B4GALNT3: variants seen among roughly 807,000 people sequenced by gnomAD.
B4GALNT3 encodes beta-1,4-N-acetyl-galactosaminyltransferase 3.
B4GALNT3 carries 86 observed loss-of-function variants against 120.2 expected under a neutral mutation model. The ratio of observed to expected loss-of-function variants is 0.72; its 90% CI spans 0.60 to 0.86. B4GALNT3 has a LOEUF of 0.86. Ranked by LOEUF, B4GALNT3 falls within the 40% of genes least tolerant of loss-of-function variation. The pLI is 0.00. For synonymous variants in B4GALNT3, 518 were observed against 510.4 expected (o/e 1.01, Z -0.20); for missense variants, 1,167 against 1,298.9 (o/e 0.90, Z 1.56).
chr12:561,384 G>A lies in B4GALNT3; in HGVS notation c.2930G>A (p.Arg977Lys). 1 of 1,614,062 alleles carries A rather than the reference G, an allele frequency of 6.2e-7. No homozygotes were observed. Among genetic ancestry groups the A allele is most frequent in the Non-Finnish European group, 8.5e-7 (1 of 1,180,008 alleles). The change falls in exon 20 of 20, where the codon AGG (arginine) becomes AAG (lysine). Residue 977 changes from arginine to lysine, a missense_variant. By Grantham distance (26) the Arg-to-Lys change is conservative (BLOSUM62 2). Around this residue, in one of 3 missense-constraint regions of B4GALNT3, gnomAD observed 983 missense variants for 1,102.5 expected, o/e 0.89. Coordinates refer to ENST00000266383, the MANE Select transcript of B4GALNT3 (RefSeq NM_173593.4). Reference sequence around the variant, plus strand: ...CTGGACGTGGAGCGTCTCTCCCTCAGGAATTTCTTCCATCATTTCCATTCC... The same window carrying A: ...CTGGACGTGGAGCGTCTCTCCCTCAAGAATTTCTTCCATCATTTCCATTCC... ...AGLDVERLSL[R>K]NFFHHFHSKR...
chr12:525,764 G>A (rs777634742), intron 1 of B4GALNT3, among the ~76,000 whole-genome samples: 62 of 152,184 alleles, frequency 4.1e-4, no homozygotes, highest in Non-Finnish European at 7.5e-4. Flanking sequence ...GCCCTAAACC[G>A]TTCAGAGCAT....
At chr12:549,214 C>T (rs1445149040) in intron 9 of B4GALNT3, among the ~76,000 whole-genome samples, 1 of 152,176 alleles carries the variant, frequency 6.6e-6, no homozygotes, top group African/African-American at 2.4e-5. Context: ...CCCCCCTTCT[C>T]TGTGGCTGCT....
rs552471546 is a variant in B4GALNT3 at position 477,622 on chromosome 12, A to C, written c.169+17077A>C. 3.9e-5 allele frequency among the ~76,000 whole-genome samples: 6 copies of C among 152,374 alleles called. No homozygotes were observed. The South Asian group carries it at 1.0e-3, about 26-fold the overall frequency. On this transcript the variant is annotated intron_variant, in intron 1 of 19. Coordinates refer to ENST00000266383, the MANE Select transcript of B4GALNT3 (RefSeq NM_173593.4). ...TCTTAAATAAAAGGCAAATGGAGTC[A>C]TGATTTCCTCTCTCACTTTCTTGAA...
chr12:558,476 G>T, intron 17 of B4GALNT3, 32 bp from the exon 18 acceptor site: 1 of 1,606,948 alleles, frequency 6.2e-7, no homozygotes, highest in Non-Finnish European at 8.5e-7. Flanking sequence ...TGGTCTGCAG[G>T]GTCTGCTGAC....
At position 550,974 on chromosome 12, in the gene B4GALNT3, C is replaced by G; in HGVS notation, c.1050C>G (p.Tyr350Ter). ...GCCACGTCCTGCCTGACTGTCCCTACAAACCCAGCTATCTGGTGGATGGGC... is the reference window on the plus strand; with the variant it reads ...GCCACGTCCTGCCTGACTGTCCCTAGAAACCCAGCTATCTGGTGGATGGGC... The part of the protein sequence containing the change: ...HLRHVLPDCP[Y>*]KPSYLVDGLP... The change falls in exon 11 of 20, where the codon TAC becomes TAG. Residue 350 changes from tyrosine to a stop codon, truncating the protein, a stop_gained. Transcript: ENST00000266383. LOFTEE classifies it high-confidence loss of function. This position sits in a 1 kb window ranked among gnomAD's most constrained non-coding sequence, Gnocchi z 4.1. 6.2e-7 allele frequency: 1 copy of G among 1,614,200 alleles called. No individual in the cohort carries two copies.
chr12:542,756 C>T (rs940704565), intron 3 of B4GALNT3, among the ~76,000 whole-genome samples: 14 of 152,374 alleles, frequency 9.2e-5, no homozygotes, highest in Non-Finnish European at 1.8e-4. Context: ...TCCAACCCAA[C>T]TGGCACTGCC....
intron 14 of B4GALNT3, among the ~76,000 whole-genome samples, chr12:556,336 C>A (rs1345426032): frequency 2.0e-5 from 3 of 152,160 alleles, no homozygotes; most frequent in Admixed American, 6.5e-5. Context: ...CCTTCAGGAT[C>A]ATCACAGCTC....
intron 3 of B4GALNT3, chr12:540,563 T>C (rs906730078): frequency 6.6e-6 from 1 of 152,136 alleles, no homozygotes; most frequent in African/African-American, 2.4e-5. Context: ...TGTAAAAGCA[T>C]GGAGAAGGGA....
At chr12:508,772 C>A (rs573588934) in intron 1 of B4GALNT3, among the ~76,000 whole-genome samples, 1 of 152,164 alleles carries the variant, frequency 6.6e-6, no homozygotes, top group African/African-American at 2.4e-5. Flanking sequence ...GAGGACTGAC[C>A]CTCCCAGACT....
chr12:505,687 G>A (rs1946490609), intron 1 of B4GALNT3, among the ~76,000 whole-genome samples: 1 of 152,182 alleles, frequency 6.6e-6, no homozygotes, highest in South Asian at 2.1e-4. Context: ...ATTGTCATGG[G>A]GGAGAGTGTC....
At chr12:484,406 C>T (rs1462887867) in intron 1 of B4GALNT3, among the ~76,000 whole-genome samples, 2 of 152,180 alleles carry the variant, frequency 1.3e-5, no homozygotes, top group South Asian at 2.1e-4. Context: ...AAGGCTGAGG[C>T]TTTGAAATCC....
At chr12:526,529 C>A (rs778333860) in intron 1 of B4GALNT3, among the ~76,000 whole-genome samples, 1 of 152,180 alleles carries the variant, frequency 6.6e-6, no homozygotes, top group African/African-American at 2.4e-5. Flanking sequence ...TTAGAGGTCC[C>A]GGAGCCTATT....
In B4GALNT3 at chr12:495,900, A is replaced by T. The variant is rs192945611; in HGVS notation, c.169+35355A>T. 2.6e-3 allele frequency among the ~76,000 whole-genome samples: 395 copies of T among 152,324 alleles called. 3 individuals are homozygous for T. The highest frequency in any genetic ancestry group is 3.2e-3 in the Non-Finnish European group (220 of 68,030). Reference sequence around the variant, plus strand: ...GAAGATCAATGTTCATGAATGATATACATTTGAAAAGTTTACATGTATTAA... The same window carrying T: ...GAAGATCAATGTTCATGAATGATATTCATTTGAAAAGTTTACATGTATTAA... On this transcript the variant is annotated intron_variant, in intron 1 of 19. Transcript: ENST00000266383.
At chr12:547,946 TG>T in intron 7 of B4GALNT3, 77 bp from the exon 8 acceptor site, 2 of 1,239,862 alleles carry the variant, frequency 1.6e-6, no homozygotes, top group Non-Finnish European at 2.4e-6. Context: ...TGTAAGGTGC[TG>T]GAAGGGGGTG....
At chr12:511,808 A>G (rs1161984484) in intron 1 of B4GALNT3, among the ~76,000 whole-genome samples, 1 of 41,134 alleles carries the variant, frequency 2.4e-5, no homozygotes, top group Admixed American at 2.1e-4. Context: ...ACCTTCTTCC[A>G]CCTTCTTCCA....
rs548139181 is a variant in B4GALNT3 at position 561,903 on chromosome 12, G to A, written c.*452G>A. ...GAAAACCGAAACTGCTGTCCAGAGC[G>A]GGGGTGAGGTTGTGCACTGAGGGAC... On this transcript the variant is annotated 3_prime_UTR_variant, in exon 20 of 20. Coordinates refer to ENST00000266383, the MANE Select transcript of B4GALNT3 (RefSeq NM_173593.4). 4.3e-4 allele frequency: 69 copies of A among 159,126 alleles called. No individual in the cohort carries two copies. Among genetic ancestry groups the A allele is most frequent in the Admixed American group, 9.0e-4 (14 of 15,572 alleles). 9.9% of individuals were successfully genotyped at this position (159,126 alleles called of 1,614,324 possible). A position where few individuals can be genotyped will look rare whatever the true frequency, so the allele number is the denominator to read the frequency against.
chr12:504,985 G>T (rs1483406242), intron 1 of B4GALNT3, among the ~76,000 whole-genome samples: 1 of 151,878 alleles, frequency 6.6e-6, no homozygotes, highest in African/African-American at 2.4e-5. Flanking sequence ...CCGCCTCTTG[G>T]GTTCAAGCGA....
intron 1 of B4GALNT3, among the ~76,000 whole-genome samples, chr12:511,129 A>G (rs1018888597): frequency 2.2e-5 from 3 of 139,320 alleles, no homozygotes; most frequent in Non-Finnish European, 4.5e-5. Context: ...TGCCAAGCTC[A>G]AGGTATTCTC....
chr12:519,524 TCCCTCCCC>T (rs1004945183), intron 1 of B4GALNT3, among the ~76,000 whole-genome samples: 1 of 150,888 alleles, frequency 6.6e-6, no homozygotes, highest in Non-Finnish European at 1.5e-5. Context: ...GCAATAAGGC[TCCCTCCCC>T]TTTCATCCTG....
Sources: gnomAD v4.1 joint callset for allele counts (sites outside exome capture counted in the v4.1 genomes callset) on GRCh38, gnomAD v4.1.1 for gene constraint, gnomAD v4.1.1 regional missense constraint, Gnocchi (gnomAD v3.1) non-coding constraint, MANE v1.5 for transcripts, NCBI Gene and HGNC (gene_info 2026-07-23, HGNC 2026-07-21) for gene names.